The following SH3KBP1 variants were observed in gnomAD, a reference collection of about 807,000 sequenced individuals.
SH3KBP1 encodes the protein SH3 domain-containing kinase-binding protein 1.
In SH3KBP1, 8 loss-of-function variants were observed where a neutral mutation model predicts 50.1. That is an observed-to-expected ratio of 0.16 (90% confidence interval 0.09 to 0.29). The LOEUF is 0.29. SH3KBP1 is among the 10% of genes least tolerant of loss of function. SH3KBP1 has a pLI of 1.00. For missense variants in SH3KBP1, 377 were observed against 535.2 expected, an observed-to-expected ratio of 0.70 and a Z score of 2.92; for synonymous variants, 227 against 218.6, an observed-to-expected ratio of 1.04 and a Z score of -0.34.
chrX:19,729,201 G>A (rs1197350041), intron 3 of SH3KBP1, among the ~76,000 whole-genome samples: 5 of 113,030 alleles, frequency 4.4e-5, no homozygotes. Flanking sequence ...AGAATCTTAG[G>A]GTTGAAGGGG....
In SH3KBP1 at chrX:19,676,547, T is replaced by C. The variant is rs902205580; in HGVS notation, c.726+7276A>G. Among the ~76,000 whole-genome samples, 11 of 111,325 alleles carry C rather than the reference T, an allele frequency of 9.9e-5. No homozygotes were observed. The Admixed American group carries it at 1.1e-3, about 11-fold the overall frequency. On this transcript the variant is annotated intron_variant, in intron 6 of 17. Transcript: ENST00000397821. The stretch of plus-strand genomic sequence containing the variant: ...ATGCTTGAGGGGATGGATACCCCAT[T>C]CTCCATGATGTGCTTATTTCACAGT...
intron 5 of SH3KBP1, among the ~76,000 whole-genome samples, chrX:19,693,415 A>C (rs1222441477): frequency 8.9e-6 from 1 of 111,798 alleles, no homozygotes; most frequent in Non-Finnish European, 1.9e-5. Context: ...CTTTTCCTTA[A>C]CTGTACATGC....
At chrX:19,866,692 TA>T (rs11393561) in intron 1 of SH3KBP1, among the ~76,000 whole-genome samples, 67 of 95,125 alleles carry the variant, frequency 7.0e-4, no homozygotes, top group Non-Finnish European at 5.4e-4. Context: ...CCTGTCTCTT[TA>T]AAAAAAAAAA....
intron 12 of SH3KBP1, among the ~76,000 whole-genome samples, chrX:19,575,278 G>A (rs2066163699): frequency 8.9e-6 from 1 of 112,290 alleles, no homozygotes; most frequent in African/African-American, 3.2e-5. Context: ...ATGCTCCAAA[G>A]TTGGCCAAGG....
intron 3 of SH3KBP1, among the ~76,000 whole-genome samples, chrX:19,745,086 T>C (rs1019262892): frequency 1.8e-5 from 2 of 112,023 alleles, no homozygotes; most frequent in Non-Finnish European, 3.8e-5. Context: ...CCTCACCAAA[T>C]CCAATGAATG....
In SH3KBP1 at chrX:19,738,380, G is replaced by A. The variant is rs1260070974; in HGVS notation, c.286+7938C>T. Among the ~76,000 whole-genome samples, 17 of 110,901 alleles carry A rather than the reference G, an allele frequency of 1.5e-4. No individual in the cohort carries two copies. The Admixed American group carries it at 1.5e-3, about 10-fold the overall frequency. On this transcript the variant is annotated intron_variant, in intron 3 of 17. Transcript: ENST00000397821. ...GCTGGTTTCTATCTGAGCATGTCAC[G>A]CTTGGTGCAAGGTCTCGTCACTAGT...
intron 4 of SH3KBP1, among the ~76,000 whole-genome samples, chrX:19,705,184 C>A (rs182341277): frequency 5.9e-4 from 66 of 111,958 alleles, no homozygotes; most frequent in African/African-American, 2.1e-3. Context: ...AGACTTTTTT[C>A]TCCGTCTGGG....
chrX:19,534,089 C>A lies in SH3KBP1; in HGVS notation c.*2328G>T, dbSNP rs955257988. ...AAAATAATCTCCATAGATGCCTGGT[C>A]GAGTCCATGCTGAATGCAAAATAAT... On this transcript the variant is annotated 3_prime_UTR_variant, in exon 18 of 18. Transcript: ENST00000397821. 2 of 109,538 alleles carry A rather than the reference C, an allele frequency of 1.8e-5. No individual in the cohort carries two copies. The highest frequency in any genetic ancestry group is 6.7e-5 in the African/African-American group (2 of 29,839). 9.0% of individuals were successfully genotyped at this position (109,538 alleles called of 1,213,427 possible). A position where few individuals can be genotyped will look rare whatever the true frequency, so the allele number is the denominator to read the frequency against.
chrX:19,766,483 C>CTTTTTTTTTTTTTT lies in SH3KBP1; in HGVS notation c.163-20056_163-20043dup, dbSNP rs61439964. Among the ~76,000 whole-genome samples, 4 of 22,589 alleles carry CTTTTTTTTTTTTTT rather than the reference C, an allele frequency of 1.8e-4. 2 individuals carry two copies. Among genetic ancestry groups the CTTTTTTTTTTTTTT allele is most frequent in the African/African-American group, 3.4e-4 (2 of 5,879 alleles). 19.6% of individuals were successfully genotyped at this position (22,589 alleles called of 115,157 possible). ...TGCACTTTGAGTCTGTTGATTGCAT[C>CTTTTTTTTTTTTTT]TTTTTTTTTTTTTTTTTTTTTTTTT... is the stretch of plus-strand genomic sequence containing the variant. On this transcript the variant is annotated intron_variant, in intron 2 of 17. Transcript: ENST00000397821.
intron 1 of SH3KBP1, among the ~76,000 whole-genome samples, chrX:19,843,331 T>A (rs967062623): frequency 9.1e-6 from 1 of 109,839 alleles, no homozygotes; most frequent in African/African-American, 3.3e-5. Flanking sequence ...TACATCAACT[T>A]TACATACACA....
chrX:19,693,513 T>C (rs1258567978), intron 5 of SH3KBP1, among the ~76,000 whole-genome samples: 1 of 111,620 alleles, frequency 9.0e-6, no homozygotes, highest in African/African-American at 3.3e-5. Flanking sequence ...CAAAATCCCC[T>C]CAAAAATGGC....
At chrX:19,566,056 G>C (rs993463291) in intron 13 of SH3KBP1, among the ~76,000 whole-genome samples, 2 of 109,348 alleles carry the variant, frequency 1.8e-5, no homozygotes, top group Non-Finnish European at 3.8e-5. Flanking sequence ...TGGGAGGATT[G>C]CATGAGCCCA....
intron 2 of SH3KBP1, among the ~76,000 whole-genome samples, chrX:19,823,449 C>T (rs1020814529): frequency 3.6e-5 from 4 of 112,044 alleles, no homozygotes; most frequent in Non-Finnish European, 7.5e-5. Flanking sequence ...CATTTCTTTC[C>T]TGGCTGCCAG....
At chrX:19,683,674 G>A (rs1269245890) in intron 6 of SH3KBP1, 149 bp downstream of exon 6, 9 of 499,640 alleles carry the variant, frequency 1.8e-5, no homozygotes, top group Non-Finnish European at 6.8e-6. Flanking sequence ...CACAGAGGGA[G>A]AGCTAAAAAA....
chrX:19,712,816 G>A (rs747113351), intron 3 of SH3KBP1, among the ~76,000 whole-genome samples: 4 of 111,496 alleles, frequency 3.6e-5, no homozygotes, highest in South Asian at 7.5e-4. Flanking sequence ...ATAGAATATC[G>A]TCACCTATAG....
intron 4 of SH3KBP1, among the ~76,000 whole-genome samples, chrX:19,706,224 G>A (rs1015202313): frequency 1.8e-5 from 2 of 111,493 alleles, no homozygotes; most frequent in African/African-American, 6.5e-5. Context: ...TGAATGATAA[G>A]GTTCTAAGCC....
rs940740648 is a variant in SH3KBP1, at chrX:19,535,548, A to T, written c.*869T>A. The T allele has an allele frequency of 8.9e-6, 1 of 112,264 alleles. No individual in the cohort carries two copies. Among genetic ancestry groups the T allele is most frequent in the Non-Finnish European group, 1.9e-5 (1 of 53,308 alleles). The allele number at this position is 112,264 out of a possible 1,213,427, so 9.3% of individuals were successfully genotyped here. A position where few individuals can be genotyped will look rare whatever the true frequency, so the allele number is the denominator to read the frequency against. On this transcript the variant is annotated 3_prime_UTR_variant, in exon 18 of 18. Transcript: ENST00000397821. ...GGATGACATTTCTAGTTTCATGAAC[A>T]ACCTAAAACTAGGAGAAATAGAAAA... is the stretch of plus-strand genomic sequence containing the variant.
chrX:19,735,566 C>T (rs1221810301), intron 3 of SH3KBP1, among the ~76,000 whole-genome samples: 1 of 109,704 alleles, frequency 9.1e-6, no homozygotes, highest in Non-Finnish European at 1.9e-5. Flanking sequence ...TTCTTTGGCT[C>T]ATTGGTTATT....
At chrX:19,595,363 T>G (rs1036424227) in intron 9 of SH3KBP1, among the ~76,000 whole-genome samples, 1 of 112,501 alleles carries the variant, frequency 8.9e-6, no homozygotes, top group Non-Finnish European at 1.9e-5. Flanking sequence ...TGAATAACCA[T>G]GCATTCGAAA....
Sources: allele counts gnomAD v4.1 joint callset (sites outside exome capture counted in the v4.1 genomes callset), GRCh38; gene constraint gnomAD v4.1.1; transcripts MANE v1.5; gene names NCBI Gene and HGNC (gene_info 2026-07-23, HGNC 2026-07-21).